The following GPC3 variants were observed in gnomAD, a reference collection of about 807,000 sequenced individuals.
GPC3 encodes the protein glypican 3, also known as glypican-3.
A neutral mutation model predicts 34.4 loss-of-function variants in GPC3; 3 were observed. The observed-to-expected ratio is 0.09, with a 90% CI of 0.04 to 0.23. GPC3 has a LOEUF of 0.23. Among genes scored for constraint, GPC3 ranks in the 10% least tolerant of loss-of-function variants. The pLI is 1.00. For missense variants in GPC3, 351 were observed against 445.6 expected, an observed-to-expected ratio of 0.79 and a Z score of 1.91; for synonymous variants, 177 against 174.0, an observed-to-expected ratio of 1.02 and a Z score of -0.13.
chrX:133,869,919 C>T (rs1457875459), intron 2 of GPC3, among the ~76,000 whole-genome samples: 1 of 112,353 alleles, frequency 8.9e-6, no homozygotes, highest in East Asian at 2.8e-4. Flanking sequence ...CACGCCTCTG[C>T]ACTCCAGCCT....
chrX:133,691,814 G>A (rs926462281), intron 5 of GPC3, among the ~76,000 whole-genome samples: 7 of 112,196 alleles, frequency 6.2e-5, no homozygotes, highest in Non-Finnish European at 3.8e-5. Context: ...TGAGGAGATG[G>A]AAGAATCGAA....
rs773838995 is a variant in GPC3 at position 133,622,950 on chromosome X, C to T, written c.1414-26351G>A. Reference sequence around the variant, plus strand: ...CACAAAGGGAAGCCCATCAGACTAACAGCTGATCTCTCGGCAAAAACTCTA... The same window carrying T: ...CACAAAGGGAAGCCCATCAGACTAATAGCTGATCTCTCGGCAAAAACTCTA... On this transcript the variant is annotated intron_variant, in intron 6 of 7. Transcript: ENST00000370818. Among the ~76,000 whole-genome samples the T allele has an allele frequency of 5.9e-3, 661 of 112,381 alleles. 5 individuals are homozygous for T. Among genetic ancestry groups the T allele is most frequent in the Non-Finnish European group, 0.01 (543 of 53,277 alleles).
chrX:133,969,762 T>C (rs1425409527), intron 1 of GPC3, among the ~76,000 whole-genome samples: 1 of 111,852 alleles, frequency 8.9e-6, no homozygotes, highest in Non-Finnish European at 1.9e-5. Flanking sequence ...CTATTTACCT[T>C]TATTTGGCAG....
At chrX:133,649,400 T>G (rs1314040835) in intron 6 of GPC3, among the ~76,000 whole-genome samples, 2 of 110,729 alleles carry the variant, frequency 1.8e-5, no homozygotes, top group African/African-American at 6.6e-5. Context: ...ACAAAGACCA[T>G]TAGACCAAGT....
chrX:133,727,391 T>C (rs1040123131), intron 3 of GPC3, among the ~76,000 whole-genome samples: 1 of 110,155 alleles, frequency 9.1e-6, no homozygotes, highest in African/African-American at 3.3e-5. Context: ...ACTAAAAATA[T>C]ATAAAAAAAT....
chrX:133,917,992 G>A (rs1254976951), intron 2 of GPC3, among the ~76,000 whole-genome samples: 3 of 112,175 alleles, frequency 2.7e-5, no homozygotes, highest in Admixed American at 9.5e-5. Context: ...ATTGAAAAAC[G>A]TAGGTGAAAA....
chrX:133,985,225 C>A, intron 1 of GPC3, 50 bp downstream of exon 1: 2 of 1,177,611 alleles, frequency 1.7e-6, no homozygotes, highest in Non-Finnish European at 2.3e-6. Context: ...CCACCACGCG[C>A]GCCTTGCTCC....
chrX:133,604,586 T>A (rs768812979), intron 6 of GPC3, among the ~76,000 whole-genome samples: 15 of 111,830 alleles, frequency 1.3e-4, no homozygotes, highest in African/African-American at 4.9e-4. Context: ...TGCTGCTACA[T>A]GGCTAAGAGT....
intron 2 of GPC3, among the ~76,000 whole-genome samples, chrX:133,862,287 A>G (rs1036353301): frequency 9.0e-6 from 1 of 110,957 alleles, no homozygotes; most frequent in African/African-American, 3.3e-5. Context: ...TGTTCAGCCA[A>G]TAGACCACAT....
intron 3 of GPC3, among the ~76,000 whole-genome samples, chrX:133,722,622 C>T (rs943168609): frequency 3.6e-5 from 4 of 111,740 alleles, no homozygotes; most frequent in Non-Finnish European, 7.5e-5. Context: ...AGCTTTGTAC[C>T]TGGTAGGCAG....
intron 1 of GPC3, among the ~76,000 whole-genome samples, chrX:133,967,039 C>T (rs779175446): frequency 6.2e-4 from 69 of 111,806 alleles, no homozygotes; most frequent in Admixed American, 2.4e-3. Context: ...GTAGAGTTGG[C>T]AAGCAAAGCA....
Position 133,969,245 on chromosome X carries a change from T to C in GPC3, c.175+16030A>G, listed in dbSNP as rs767019913. 8.1e-5 allele frequency among the ~76,000 whole-genome samples: 9 copies of C among 111,386 alleles called. No homozygotes were observed. The South Asian group carries it at 3.4e-3, about 42-fold the overall frequency. ...AAGAGAGCAACCTGCATGCCTGAAA[T>C]AATTAAGAAGAAGAGACTCAATTAT... is the stretch of plus-strand genomic sequence containing the variant. On this transcript the variant is annotated intron_variant, in intron 1 of 7. Transcript: ENST00000370818.
chrX:133,951,091 T>TGA (rs1359828927), intron 2 of GPC3, among the ~76,000 whole-genome samples: 11 of 101,879 alleles, frequency 1.1e-4, no homozygotes, highest in African/African-American at 3.4e-4. Context: ...TGTGTGTGTG[T>TGA]GTGAAGTGAA....
intron 7 of GPC3, among the ~76,000 whole-genome samples, chrX:133,580,935 T>C (rs1345356086): frequency 1.8e-5 from 2 of 112,145 alleles, no homozygotes; most frequent in African/African-American, 3.2e-5. Flanking sequence ...TCTGCCCATA[T>C]GGTCGGTGGT....
At chrX:133,555,843 A>T (rs2069483823) in intron 7 of GPC3, among the ~76,000 whole-genome samples, 1 of 110,701 alleles carries the variant, frequency 9.0e-6, no homozygotes. Flanking sequence ...AAAAAATAAA[A>T]AAAAAAAGCC....
intron 1 of GPC3, among the ~76,000 whole-genome samples, chrX:133,966,333 C>T (rs1412324468): frequency 8.9e-6 from 1 of 112,457 alleles, no homozygotes; most frequent in Non-Finnish European, 1.9e-5. Flanking sequence ...TCTGGGCCTC[C>T]AGCACAACTC....
intron 1 of GPC3, among the ~76,000 whole-genome samples, chrX:133,977,516 C>T (rs1003257907): frequency 3.6e-5 from 4 of 111,598 alleles, no homozygotes; most frequent in African/African-American, 1.3e-4. Context: ...ATATCTGTCA[C>T]TCTAACTCTT....
chrX:133,603,627 GT>G (rs1271152274), intron 6 of GPC3, among the ~76,000 whole-genome samples: 1 of 111,795 alleles, frequency 8.9e-6, no homozygotes, highest in Non-Finnish European at 1.9e-5. Flanking sequence ...TTGTATAAAG[GT>G]GATTGACTTC....
chrX:133,751,183 T>A (rs904274740), intron 3 of GPC3, among the ~76,000 whole-genome samples: 2 of 111,083 alleles, frequency 1.8e-5, no homozygotes, highest in Non-Finnish European at 3.8e-5. Flanking sequence ...AAATGACCAA[T>A]ATCAGAGGCA....
Sources: allele counts gnomAD v4.1 joint callset (sites outside exome capture counted in the v4.1 genomes callset), GRCh38; gene constraint gnomAD v4.1.1; transcripts MANE v1.5; gene names NCBI Gene and HGNC (gene_info 2026-07-23, HGNC 2026-07-21).